Variants in QKI observed in about 807,000 individuals in gnomAD.
QKI encodes QKI, KH domain containing RNA binding.
QKI carries 10 observed loss-of-function variants against 39.0 expected under a neutral mutation model. The ratio of observed to expected loss-of-function variants is 0.26; its 90% CI spans 0.16 to 0.43. The LOEUF (loss-of-function observed/expected upper bound fraction) is 0.43. Among genes scored for constraint, QKI ranks in the 20% least tolerant of loss-of-function variants. The pLI is 1.00. For synonymous variants in QKI, 204 were observed against 155.4 expected (o/e 1.31, Z -2.33); for missense variants, 218 against 428.0 (o/e 0.51, Z 4.33).
chr6:163,481,547 A>G (rs1316142265), intron 3 of QKI, among the ~76,000 whole-genome samples: 3 of 152,210 alleles, frequency 2.0e-5, no homozygotes, highest in Admixed American at 6.5e-5. Context: ...TGTTCCCCGA[A>G]AAGGTTGGTT....
chr6:163,540,523 G>GT (rs541502804), intron 4 of QKI, among the ~76,000 whole-genome samples: 20 of 152,070 alleles, frequency 1.3e-4, no homozygotes, highest in Non-Finnish European at 2.4e-4. Flanking sequence ...AGACTTCTTT[G>GT]TTTTTTACCA....
Position 163,561,998 on chromosome 6 carries a change from G to C in QKI, c.563G>C (p.Ser188Thr), listed in dbSNP as rs779683206. The change falls in exon 5 of 8, where the codon AGC (serine) becomes ACC (threonine). Residue 188 changes from serine to threonine, a missense_variant. Ser to Thr is a moderately conservative substitution (Grantham distance 58). This residue lies in a region of QKI where 61 missense variants were observed against 193.3 expected (regional missense o/e 0.32). Coordinates refer to ENST00000361752, the MANE Select transcript of QKI (RefSeq NM_006775.3). ...LLVPAAEGED[S>T]LKKMQLMELA... ...CATGTATAGGCAGAAGGAGAAGACAGCCTGAAGAAGATGCAGCTGATGGAG... is the reference window on the plus strand; with the variant it reads ...CATGTATAGGCAGAAGGAGAAGACACCCTGAAGAAGATGCAGCTGATGGAG... 4 of 1,613,078 alleles carry C rather than the reference G, an allele frequency of 2.5e-6. No homozygotes were observed. The South Asian group carries it at 4.4e-5, about 18-fold the overall frequency.
At chr6:163,419,506 T>TA (rs1432398781) in intron 1 of QKI, among the ~76,000 whole-genome samples, 1 of 152,162 alleles carries the variant, frequency 6.6e-6, no homozygotes, top group Non-Finnish European at 1.5e-5. Context: ...GAAACTAAGA[T>TA]ATTGCTTTTG....
At chr6:163,513,410 CAG>C (rs1196619874) in intron 3 of QKI, among the ~76,000 whole-genome samples, 2 of 152,122 alleles carry the variant, frequency 1.3e-5, no homozygotes, top group Non-Finnish European at 2.9e-5. Context: ...GATTAATTGA[CAG>C]AGAACTTGCA....
At position 163,510,253 on chromosome 6, in the gene QKI, TAATAATAAG is replaced by T. The variant is rs1488173877; in HGVS notation, c.403-24728_403-24720del. ...ATAATAATAATAATAATAATAATAA[TAATAATAAG>T]TAAACTAAAAAGCAAGCCAAGTGCA... On this transcript the variant is annotated intron_variant, in intron 3 of 7. Transcript: ENST00000361752. 1.0e-4 allele frequency among the ~76,000 whole-genome samples: 11 copies of T among 109,766 alleles called. No homozygotes were observed. In the East Asian group the frequency reaches 3.5e-3, roughly 34 times the overall value. The allele number at this position is 109,766 out of a possible 152,430, so 72.0% of individuals were successfully genotyped here. A position where few individuals can be genotyped will look rare whatever the true frequency, so the allele number is the denominator to read the frequency against.
At chr6:163,507,223 C>A (rs1235183982) in intron 3 of QKI, among the ~76,000 whole-genome samples, 1 of 152,076 alleles carries the variant, frequency 6.6e-6, no homozygotes, top group Non-Finnish European at 1.5e-5. Flanking sequence ...TGCCAAATGG[C>A]CTGAATACTG....
chr6:163,447,212 A>G (rs1790221552), intron 1 of QKI, among the ~76,000 whole-genome samples: 1 of 128,538 alleles, frequency 7.8e-6, no homozygotes, highest in African/African-American at 2.9e-5. Context: ...CTTTATTTTT[A>G]TTGATAGATA....
At chr6:163,541,700 A>T (rs1474915212) in intron 4 of QKI, among the ~76,000 whole-genome samples, 1 of 151,970 alleles carries the variant, frequency 6.6e-6, no homozygotes, top group Non-Finnish European at 1.5e-5. Flanking sequence ...CTGTATGAAC[A>T]TGGTTTGGCA....
At chr6:163,549,584 C>G (rs1031918647) in intron 4 of QKI, among the ~76,000 whole-genome samples, 1 of 152,182 alleles carries the variant, frequency 6.6e-6, no homozygotes, top group East Asian at 1.9e-4. Context: ...TGGTGACGCA[C>G]ACATGTAATC....
chr6:163,524,315 T>C (rs192986208), intron 3 of QKI, among the ~76,000 whole-genome samples: 1,593 of 149,298 alleles, frequency 0.011, 31 homozygotes, highest in African/African-American at 0.036. Flanking sequence ...TATATTTTAT[T>C]AACTAAGTTG....
chr6:163,531,187 T>C (rs939525488), intron 3 of QKI, among the ~76,000 whole-genome samples: 5 of 152,208 alleles, frequency 3.3e-5, no homozygotes, highest in African/African-American at 7.2e-5. Flanking sequence ...GTAGCGTCTT[T>C]TATTAACTCT....
chr6:163,455,136 GAGAATGAT>G (rs1180951307), intron 1 of QKI, 135 bp from the exon 2 acceptor site: 1 of 582,588 alleles, frequency 1.7e-6, no homozygotes, highest in Non-Finnish European at 2.8e-6. Flanking sequence ...GCTTAATCCA[GAGAATGAT>G]AGAATAGGCC....
chr6:163,541,685 A>G (rs2128243185), intron 4 of QKI, among the ~76,000 whole-genome samples: 1 of 152,160 alleles, frequency 6.6e-6, no homozygotes, highest in South Asian at 2.1e-4. Context: ...TATAGCTTAT[A>G]CAACCTGTAT....
intron 1 of QKI, among the ~76,000 whole-genome samples, chr6:163,431,193 G>T (rs575280775): frequency 1.1e-3 from 170 of 152,088 alleles, no homozygotes; most frequent in African/African-American, 4.0e-3. Flanking sequence ...AAAAAAAAAA[G>T]TTATATTATT....
intron 3 of QKI, among the ~76,000 whole-genome samples, chr6:163,523,113 TCAG>T (rs1402063931): frequency 6.6e-6 from 1 of 151,910 alleles, no homozygotes; most frequent in Non-Finnish European, 1.5e-5. Flanking sequence ...TGTGGATCCT[TCAG>T]CATAATTCTT....
chr6:163,495,952 A>G (rs1778380598), intron 3 of QKI, among the ~76,000 whole-genome samples: 2 of 152,200 alleles, frequency 1.3e-5, no homozygotes, highest in African/African-American at 2.4e-5. Flanking sequence ...CTCCTTTTAA[A>G]TCATATCTGA....
chr6:163,525,185 A>G (rs888794813), intron 3 of QKI, among the ~76,000 whole-genome samples: 2 of 151,818 alleles, frequency 1.3e-5, no homozygotes, highest in Non-Finnish European at 2.9e-5. Flanking sequence ...ATGTGCTGCC[A>G]CTCTCAACAT....
intron 1 of QKI, chr6:163,429,033 C>G (rs1788628805): frequency 6.6e-6 from 1 of 152,134 alleles, no homozygotes; most frequent in Admixed American, 6.5e-5. Flanking sequence ...TAACTTTTTT[C>G]ATTCCTGGAA....
intron 1 of QKI, among the ~76,000 whole-genome samples, chr6:163,435,830 A>G (rs1417560180): frequency 6.6e-6 from 1 of 152,210 alleles, no homozygotes; most frequent in Non-Finnish European, 1.5e-5. Flanking sequence ...TGTCATATAA[A>G]TGATCAGTCT....
Sources: allele counts gnomAD v4.1 joint callset (sites outside exome capture counted in the v4.1 genomes callset), GRCh38; gene constraint gnomAD v4.1.1; regional missense constraint gnomAD v4.1.1; transcripts MANE v1.5; gene names NCBI Gene and HGNC (gene_info 2026-07-23, HGNC 2026-07-21).